Variants in MYOM2 observed in about 807,000 individuals in gnomAD.
MYOM2 encodes myomesin 2, also known as myomesin-2.
A neutral mutation model predicts 187.6 loss-of-function variants in MYOM2; 254 were observed. The ratio of observed to expected loss-of-function variants is 1.35; its 90% CI spans 1.22 to 1.50. The LOEUF is 1.50. Ranked by LOEUF, MYOM2 falls within the 40% of genes most tolerant of loss-of-function variation. The pLI is 0.00. For synonymous variants in MYOM2, 981 were observed against 753.8 expected (o/e 1.30, Z -4.94); for missense variants, 2,796 against 1,924.0 (o/e 1.45, Z -8.48).
rs1273993203 is a variant in MYOM2 at position 2,106,245 on chromosome 8, C to A, written c.2738C>A (p.Thr913Asn). 1.2e-6 allele frequency: 2 copies of A among 1,613,998 alleles called. No individual in the cohort carries two copies. The highest frequency in any genetic ancestry group is 2.2e-5 in the East Asian group (1 of 44,864). The change falls in exon 22 of 37, where the codon ACC becomes AAC. Residue 913 changes from threonine (T) to asparagine (N), a missense_variant. Physicochemically the swap from Thr to Asn is moderately conservative, Grantham distance 65 (BLOSUM62 0). Coordinates refer to ENST00000262113, the MANE Select transcript of MYOM2 (RefSeq NM_003970.4). Reference protein sequence around the residue: ...EPVLVEARPGTKEISAGVDEQ... With the variant: ...EPVLVEARPGNKEISAGVDEQ... The stretch of plus-strand genomic sequence containing the variant: ...ACTTCATACTCTTCTTATGCAGGCA[C>A]CAAGGAAATCAGTGCTGGTGTCGAT...
At chr8:2,080,945 C>G (rs1198164005) in intron 13 of MYOM2, among the ~76,000 whole-genome samples, 1 of 145,190 alleles carries the variant, frequency 6.9e-6, no homozygotes, top group Non-Finnish European at 1.5e-5. Flanking sequence ...CAGCCCAGCC[C>G]TTGCAGAATG....
At chr8:2,119,679 G>A (rs1454757357) in intron 28 of MYOM2, among the ~76,000 whole-genome samples, 1 of 152,148 alleles carries the variant, frequency 6.6e-6, no homozygotes, top group Non-Finnish European at 1.5e-5. Context: ...GGGTGGCTTT[G>A]TCTTTCCTTC....
chr8:2,075,254 T>G (rs1702751015), intron 10 of MYOM2, among the ~76,000 whole-genome samples: 1 of 152,150 alleles, frequency 6.6e-6, no homozygotes, highest in South Asian at 2.1e-4. Flanking sequence ...TAAATGTCCC[T>G]TCCGTCTTCT....
chr8:2,075,330 G>A (rs907255907), intron 10 of MYOM2, among the ~76,000 whole-genome samples: 3 of 152,088 alleles, frequency 2.0e-5, no homozygotes, highest in Admixed American at 6.5e-5. Flanking sequence ...GGCTCAAATC[G>A]CCTTGCTCAC....
chr8:2,071,155 T>G (rs1819201625), intron 8 of MYOM2, among the ~76,000 whole-genome samples: 1 of 151,728 alleles, frequency 6.6e-6, no homozygotes, highest in African/African-American at 2.4e-5. Flanking sequence ...ATTTTTTTAT[T>G]TTTATTTTTT....
At chr8:2,072,557 G>A in intron 9 of MYOM2, 48 bp downstream of exon 9, 1 of 1,579,966 alleles carries the variant, frequency 6.3e-7, no homozygotes, top group Non-Finnish European at 8.6e-7. Context: ...GAGGCTTTTG[G>A]ACGGAAATGT....
At chr8:2,106,640 A>C in intron 23 of MYOM2, 43 bp downstream of exon 23, 2 of 1,395,138 alleles carry the variant, frequency 1.4e-6, no homozygotes, top group Non-Finnish European at 2.0e-6. Flanking sequence ...TGGTTTTATC[A>C]CACTTTCAAA....
intron 32 of MYOM2, among the ~76,000 whole-genome samples, chr8:2,131,147 T>C (rs1013420269): frequency 6.6e-6 from 1 of 152,178 alleles, no homozygotes; most frequent in African/African-American, 2.4e-5. Context: ...ACACGCCCTG[T>C]GGATGTGTGT....
At chr8:2,099,379 G>A (rs1338020029) in intron 19 of MYOM2, among the ~76,000 whole-genome samples, 2 of 152,068 alleles carry the variant, frequency 1.3e-5, no homozygotes, top group Non-Finnish European at 2.9e-5. Flanking sequence ...TGCGAGCCCC[G>A]GCCCCAGCTG....
chr8:2,141,080 A>G, intron 33 of MYOM2, 61 bp from the exon 34 acceptor site: 1 of 1,517,824 alleles, frequency 6.6e-7, no homozygotes, highest in Non-Finnish European at 9.1e-7. Flanking sequence ...ATAATATTTG[A>G]GTGAATAAAT....
intron 14 of MYOM2, 30 bp downstream of exon 14, chr8:2,085,420 T>G (rs1563443868): frequency 1.3e-6 from 2 of 1,568,160 alleles, no homozygotes; most frequent in African/African-American, 1.5e-5. Flanking sequence ...CCTGGAAAAG[T>G]AGATCTCTGC....
At chr8:2,098,747 T>C (rs1796580830) in intron 18 of MYOM2, 110 bp from the exon 19 acceptor site, 24 of 1,232,958 alleles carry the variant, frequency 1.9e-5, no homozygotes, top group Admixed American at 5.5e-5. Context: ...CCCGACAAGG[T>C]TCCTTCCTCT....
intron 8 of MYOM2, among the ~76,000 whole-genome samples, chr8:2,070,576 G>A (rs1158110624): frequency 1.3e-5 from 2 of 152,170 alleles, no homozygotes; most frequent in Admixed American, 6.5e-5. Flanking sequence ...AGGCACTGAT[G>A]AGCTGGGCAG....
Position 2,104,091 on chromosome 8 carries a change from C to T in MYOM2, c.2734+1310C>T, listed in dbSNP as rs538606074. ...GGTTGTTCTTCGAATCGTCAAGCCACGTGCAGGAAGGAGGGCATTTTTTAA... is the reference window on the plus strand; with the variant it reads ...GGTTGTTCTTCGAATCGTCAAGCCATGTGCAGGAAGGAGGGCATTTTTTAA... On this transcript the variant is annotated intron_variant, in intron 21 of 36. Coordinates refer to ENST00000262113, the MANE Select transcript of MYOM2 (RefSeq NM_003970.4). 3.9e-5 allele frequency among the ~76,000 whole-genome samples: 6 copies of T among 152,276 alleles called. No homozygotes were observed. The South Asian group carries it at 1.2e-3, about 32-fold the overall frequency.
At chr8:2,103,191 G>T (rs1366741358) in intron 21 of MYOM2, among the ~76,000 whole-genome samples, 10 of 151,320 alleles carry the variant, frequency 6.6e-5, no homozygotes, top group Admixed American at 6.6e-4. Context: ...GGACGGGTGT[G>T]TGGATAAATG....
At chr8:2,108,905 C>T (rs1201792756) in intron 24 of MYOM2, 75 bp downstream of exon 24, 33 of 1,408,832 alleles carry the variant, frequency 2.3e-5, no homozygotes, top group Non-Finnish European at 2.9e-5. Context: ...TGCATGAGCT[C>T]TTGGAAGAAC....
chr8:2,057,844 A>G, intron 5 of MYOM2, 64 bp downstream of exon 5: 2 of 1,558,498 alleles, frequency 1.3e-6, no homozygotes, highest in Non-Finnish European at 1.7e-6. Flanking sequence ...GAAAGACCCC[A>G]GTTAAGGAGA....
chr8:2,103,628 G>A (rs999804832), intron 21 of MYOM2, among the ~76,000 whole-genome samples: 8 of 151,608 alleles, frequency 5.3e-5, no homozygotes, highest in Admixed American at 3.9e-4. Flanking sequence ...ATGGATAAAT[G>A]AGTGGGAGAG....
intron 33 of MYOM2, 67 bp from the exon 34 acceptor site, chr8:2,141,074 T>C: frequency 2.7e-6 from 4 of 1,497,500 alleles, no homozygotes; most frequent in Non-Finnish European, 3.7e-6. Flanking sequence ...ACTGGTATAA[T>C]ATTTGAGTGA....
Sources: gnomAD v4.1 joint callset for allele counts (sites outside exome capture counted in the v4.1 genomes callset) on GRCh38, gnomAD v4.1.1 for gene constraint, MANE v1.5 for transcripts, NCBI Gene and HGNC (gene_info 2026-07-23, HGNC 2026-07-21) for gene names.